Variants in SDK1 observed in about 807,000 individuals in gnomAD.
SDK1 encodes the protein protein sidekick-1.
SDK1 carries 157 observed loss-of-function variants against 245.5 expected under a neutral mutation model. The ratio of observed to expected loss-of-function variants is 0.64; its 90% CI spans 0.56 to 0.73. The LOEUF (loss-of-function observed/expected upper bound fraction) is 0.73, where lower values mean the gene tolerates loss of function less well. SDK1 is among the 30% of genes least tolerant of loss of function. The pLI is 0.00. For synonymous variants in SDK1, 1,647 were observed against 1,278.5 expected, an observed-to-expected ratio of 1.29 and a Z score of -6.15; for missense variants, 3,583 against 3,002.3, an observed-to-expected ratio of 1.19 and a Z score of -4.52.
At chr7:3,513,859 C>T (rs1338285142) in intron 1 of SDK1, among the ~76,000 whole-genome samples, 2 of 152,120 alleles carry the variant, frequency 1.3e-5, no homozygotes, top group African/African-American at 4.8e-5. Flanking sequence ...ATCTAGCTCT[C>T]ATTTATACGT....
rs1407270743 is a variant in SDK1 at position 3,482,149 on chromosome 7, A to T, written c.299-136931A>T. 4.6e-5 allele frequency among the ~76,000 whole-genome samples: 7 copies of T among 152,254 alleles called. No homozygotes were observed. In the East Asian group the frequency reaches 1.3e-3, roughly 29 times the overall value. The stretch of plus-strand genomic sequence containing the variant: ...ATAGGGTAATACTGGTGTGTAAAAA[A>T]CACATAGTTTTACAGTCTATTCATC... On this transcript the variant is annotated intron_variant, in intron 1 of 44. Coordinates refer to ENST00000404826, the MANE Select transcript of SDK1 (RefSeq NM_152744.4).
Position 3,549,863 on chromosome 7 carries a change from C to T in SDK1, c.299-69217C>T, listed in dbSNP as rs1197139709. Among the ~76,000 whole-genome samples, 12 of 151,800 alleles carry T rather than the reference C, an allele frequency of 7.9e-5. No homozygotes were observed. The East Asian group carries it at 2.3e-3, about 29-fold the overall frequency. On this transcript the variant is annotated intron_variant, in intron 1 of 44. Transcript: ENST00000404826. The stretch of plus-strand genomic sequence containing the variant: ...ACCTTTTTTTCCCATAGGCATAGGC[C>T]GACTCTTTCCTTGAGCTAAAATTTA...
chr7:4,265,435 C>T lies in SDK1; in HGVS notation c.*51C>T, dbSNP rs1330671795. The T allele has an allele frequency of 7.1e-7, 1 of 1,400,034 alleles. No homozygotes were observed. The highest frequency in any genetic ancestry group is 9.2e-7 in the Non-Finnish European group (1 of 1,085,498). The allele number at this position is 1,400,034 out of a possible 1,614,324, so 86.7% of individuals were successfully genotyped here. ...CGGAACGGAGGCAACTTTCCGGAGT[C>T]TATTTTTGTTAAGACAATCAACTCC... is the stretch of plus-strand genomic sequence containing the variant. On this transcript the variant is annotated 3_prime_UTR_variant, in exon 45 of 45. Coordinates refer to ENST00000404826, the MANE Select transcript of SDK1 (RefSeq NM_152744.4).
At chr7:3,433,653 T>C (rs1779931707) in intron 1 of SDK1, among the ~76,000 whole-genome samples, 2 of 152,200 alleles carry the variant, frequency 1.3e-5, no homozygotes, top group East Asian at 3.8e-4. Flanking sequence ...TATGGCAGGC[T>C]TTAGGGACCA....
intron 4 of SDK1, among the ~76,000 whole-genome samples, chr7:3,669,275 T>C (rs1316436581): frequency 6.6e-6 from 1 of 152,226 alleles, no homozygotes; most frequent in East Asian, 1.9e-4. Context: ...CTGTTAAAGT[T>C]ACTGCTTTGT....
intron 1 of SDK1, among the ~76,000 whole-genome samples, chr7:3,438,166 T>C (rs965633566): frequency 6.6e-6 from 1 of 152,246 alleles, no homozygotes; most frequent in Non-Finnish European, 1.5e-5. Flanking sequence ...GCATGGTCTT[T>C]TTGTTCATTT....
At chr7:3,409,545 AGTTT>A (rs892600505) in intron 1 of SDK1, among the ~76,000 whole-genome samples, 8 of 152,136 alleles carry the variant, frequency 5.3e-5, no homozygotes, top group South Asian at 2.1e-4. Context: ...CATTTAGTGA[AGTTT>A]GTTTGGCTCC....
chr7:4,043,165 G>C (rs1411559881), intron 17 of SDK1, among the ~76,000 whole-genome samples: 2 of 151,668 alleles, frequency 1.3e-5, no homozygotes, highest in Admixed American at 6.6e-5. Flanking sequence ...GGTAGAGTGA[G>C]TATCATAGCC....
chr7:4,169,134 C>A (rs1212377134), intron 32 of SDK1, among the ~76,000 whole-genome samples: 2 of 152,252 alleles, frequency 1.3e-5, no homozygotes, highest in Non-Finnish European at 2.9e-5. Context: ...TGCCATCTCT[C>A]ATTCAGCAAA....
chr7:3,308,862 C>T (rs1187650301), intron 1 of SDK1, among the ~76,000 whole-genome samples: 1 of 151,912 alleles, frequency 6.6e-6, no homozygotes, highest in South Asian at 2.1e-4. Flanking sequence ...AATTTTACAA[C>T]GATGAATAGT....
intron 17 of SDK1, among the ~76,000 whole-genome samples, chr7:4,023,348 C>G (rs1787083482): frequency 6.6e-6 from 1 of 152,118 alleles, no homozygotes; most frequent in South Asian, 2.1e-4. Flanking sequence ...TATTAACTTA[C>G]AAATTGAGCA....
At chr7:3,364,201 T>C (rs1466996051) in intron 1 of SDK1, among the ~76,000 whole-genome samples, 3 of 152,226 alleles carry the variant, frequency 2.0e-5, no homozygotes, top group Non-Finnish European at 4.4e-5. Flanking sequence ...TTGTTGAACA[T>C]TTGGCGTACA....
chr7:4,147,330 A>G (rs1302019824), intron 29 of SDK1, among the ~76,000 whole-genome samples: 1 of 151,998 alleles, frequency 6.6e-6, no homozygotes, highest in African/African-American at 2.4e-5. Context: ...ACAGGCACAC[A>G]CCACCCAGCT....
intron 5 of SDK1, among the ~76,000 whole-genome samples, chr7:3,945,933 A>AAAAAAAAAT (rs1780559417): frequency 7.2e-6 from 1 of 139,116 alleles, no homozygotes; most frequent in South Asian, 2.3e-4. Flanking sequence ...AAAAAAAAAA[A>AAAAAAAAAT]GATAAAGTTT....
intron 44 of SDK1, among the ~76,000 whole-genome samples, chr7:4,248,998 T>C: frequency 6.7e-6 from 1 of 148,282 alleles, no homozygotes; most frequent in South Asian, 2.1e-4. Context: ...GCACAACACA[T>C]ACATACCTAA....
intron 14 of SDK1, among the ~76,000 whole-genome samples, chr7:3,992,732 G>A (rs868792277): frequency 2.0e-5 from 3 of 152,136 alleles, no homozygotes; most frequent in East Asian, 3.9e-4. Context: ...GGATTACTGA[G>A]TGTCTCATCT....
At chr7:4,203,980 T>G (rs959173524) in intron 35 of SDK1, among the ~76,000 whole-genome samples, 10 of 152,184 alleles carry the variant, frequency 6.6e-5, no homozygotes, top group African/African-American at 4.8e-5. Context: ...TGCGGGCCCC[T>G]AATTTATGGG....
At chr7:4,235,320 C>A (rs1013490772) in intron 41 of SDK1, among the ~76,000 whole-genome samples, 1 of 152,146 alleles carries the variant, frequency 6.6e-6, no homozygotes, top group South Asian at 2.1e-4. Context: ...TGTGCCACCA[C>A]GCCCGGCTAA....
At chr7:4,200,020 A>G (rs556682081) in intron 35 of SDK1, among the ~76,000 whole-genome samples, 5 of 152,236 alleles carry the variant, frequency 3.3e-5, no homozygotes, top group South Asian at 2.1e-4. Context: ...GCTTGAACCC[A>G]GGAGGCAGAG....
Sources: gnomAD v4.1 joint callset for allele counts (sites outside exome capture counted in the v4.1 genomes callset) on GRCh38, gnomAD v4.1.1 for gene constraint, MANE v1.5 for transcripts, NCBI Gene and HGNC (gene_info 2026-07-23, HGNC 2026-07-21) for gene names.